The following ZNF316 variants were observed in gnomAD, a reference collection of about 807,000 sequenced individuals.
ZNF316 encodes zinc finger protein 316.
Under a neutral mutation model 75.6 loss-of-function variants are expected in ZNF316, and 23 were observed. The observed-to-expected ratio is 0.30, with a 90% CI of 0.22 to 0.43. The LOEUF (loss-of-function observed/expected upper bound fraction) is 0.43, where lower values mean the gene tolerates loss of function less well. ZNF316 is among the 20% of genes least tolerant of loss of function. The probability of loss-of-function intolerance (pLI) is 1.00; values close to 1 mark genes in which losing one functional copy is unlikely to be tolerated. For synonymous variants in ZNF316, 827 were observed against 666.2 expected, an observed-to-expected ratio of 1.24 and a Z score of -3.72; for missense variants, 1,266 against 1,409.4, an observed-to-expected ratio of 0.90 and a Z score of 1.63.
intron 8 of ZNF316, 47 bp downstream of exon 8, chr7:6,644,640 G>A: frequency 1.8e-6 from 2 of 1,126,344 alleles, no homozygotes; most frequent in South Asian, 9.0e-5. Flanking sequence ...GCTTCTCAGA[G>A]CTGTTGTCAA....
At position 6,658,276 on chromosome 7, in the gene ZNF316, C is replaced by T. The variant is rs1457070945; in HGVS notation, c.*3665C>T. On this transcript the variant is annotated 3_prime_UTR_variant, in exon 9 of 9. Coordinates refer to ENST00000382252, the MANE Select transcript of ZNF316 (RefSeq NM_001278559.2). Reference sequence around the variant, plus strand: ...TATCTATTAAATAAAGCTTTATGATCTTTGCTCTTTTTTTTTTCCTGATTA... The same window carrying T: ...TATCTATTAAATAAAGCTTTATGATTTTTGCTCTTTTTTTTTTCCTGATTA... 6.6e-6 allele frequency among the ~76,000 whole-genome samples: 1 copy of T among 151,902 alleles called. No individual in the cohort carries two copies. Among genetic ancestry groups the T allele is most frequent in the Non-Finnish European group, 1.5e-5 (1 of 67,984 alleles).
In ZNF316 at chr7:6,643,023, G is replaced by A. The variant is rs1002713841; in HGVS notation, c.415G>A (p.Glu139Lys). 1.6e-6 allele frequency: 2 copies of A among 1,239,266 alleles called. No individual in the cohort carries two copies. The highest frequency in any genetic ancestry group is 2.0e-6 in the Non-Finnish European group (2 of 992,400). 76.8% of individuals were successfully genotyped at this position (1,239,266 alleles called of 1,614,324 possible). A position where few individuals can be genotyped will look rare whatever the true frequency, so the allele number is the denominator to read the frequency against. Residue 139 changes from glutamate to lysine, a missense_variant, in exon 6 of 9, where the codon GAG (glutamate) becomes AAG (lysine). Glu to Lys is a moderately conservative substitution (Grantham distance 56). Around this residue, in one of 3 missense-constraint regions of ZNF316, gnomAD observed 961 missense variants for 990.9 expected, o/e 0.97. Coordinates refer to ENST00000382252, the MANE Select transcript of ZNF316 (RefSeq NM_001278559.2). ...GGATGAGGACCTGGAGGAGGAGGAA[G>A]AGGAGGAGGAGGATGAGGACGAGGA... ...PRDEDLEEEE[E>K]EEEDEDEDDL...
rs1288899591 is a variant in ZNF316 at position 6,642,313 on chromosome 7, G to A, written c.-28-69G>A. The A allele has an allele frequency of 1.6e-5, 13 of 788,654 alleles. No homozygotes were observed. The highest frequency in any genetic ancestry group is 2.2e-5 in the Non-Finnish European group (13 of 583,648). The allele number at this position is 788,654 out of a possible 1,614,324, so 48.9% of individuals were successfully genotyped here. A position where few individuals can be genotyped will look rare whatever the true frequency, so the allele number is the denominator to read the frequency against. ...CTCCCTGCGCCCCCGCCAGGCTGCG[G>A]GAGACCCTGTGAGGGGACCGTGTGG... On this transcript the variant is annotated intron_variant, in intron 4 of 8. Coordinates refer to ENST00000382252, the MANE Select transcript of ZNF316 (RefSeq NM_001278559.2). The surrounding 1 kb of genome is among the most constrained non-coding windows in gnomAD (Gnocchi z 8.1).
In ZNF316 at chr7:6,653,441, C is replaced by T. The variant is rs1254118424; in HGVS notation, c.1845C>T (p.Ile615=). Reference sequence around the variant, plus strand: ...GGCTGCACCCGGACAGCTTCCCGATCCTGGGCCTACCCGACTTCCGAGAGC... The same window carrying T: ...GGCTGCACCCGGACAGCTTCCCGATTCTGGGCCTACCCGACTTCCGAGAGC... The part of the protein sequence containing the change: ...KSWLHPDSFP[I]LGLPDFRERL... Residue 615 remains isoleucine, a synonymous_variant, in exon 9 of 9, where the codon ATC becomes ATT. Coordinates refer to ENST00000382252, the MANE Select transcript of ZNF316 (RefSeq NM_001278559.2). The T allele has an allele frequency of 5.6e-5, 69 of 1,227,954 alleles. No homozygotes were observed. Among genetic ancestry groups the T allele is most frequent in the Non-Finnish European group, 6.6e-5 (65 of 985,896 alleles). 76.1% of individuals were successfully genotyped at this position (1,227,954 alleles called of 1,614,324 possible).
At position 6,657,466 on chromosome 7, in the gene ZNF316, T is replaced by C. The variant is rs1357782634; in HGVS notation, c.*2855T>C. Among the ~76,000 whole-genome samples the C allele has an allele frequency of 6.6e-6, 1 of 152,046 alleles. No individual in the cohort carries two copies. Among genetic ancestry groups the C allele is most frequent in the African/African-American group, 2.4e-5 (1 of 41,394 alleles). ...AAGACTCCATGTCTGAAACAGACGT[T>C]TGAGTGGCAGACAAATACAAAGACC... On this transcript the variant is annotated 3_prime_UTR_variant, in exon 9 of 9. Transcript: ENST00000382252.
Position 6,650,683 on chromosome 7 carries a change from G to A in ZNF316, c.707-1620G>A, listed in dbSNP as rs142791554. Among the ~76,000 whole-genome samples the A allele has an allele frequency of 2.0e-3, 300 of 152,294 alleles. 2 individuals are homozygous for A. Among genetic ancestry groups the A allele is most frequent in the African/African-American group, 6.5e-3 (272 of 41,562 alleles). On this transcript the variant is annotated intron_variant, in intron 8 of 8. Coordinates refer to ENST00000382252, the MANE Select transcript of ZNF316 (RefSeq NM_001278559.2). ...GTCCAGGCTTATCCAGCTAGGTGAC[G>A]GCTGAAATGGGCAGGGGACCCAGGT...
At position 6,654,530 on chromosome 7, in the gene ZNF316, C is replaced by T; in HGVS notation, c.2934C>T (p.Phe978=). 1 of 1,179,620 alleles carries T rather than the reference C, an allele frequency of 8.5e-7. No homozygotes were observed. Among genetic ancestry groups the T allele is most frequent in the Non-Finnish European group, 1.0e-6 (1 of 954,502 alleles). 73.1% of individuals were successfully genotyped at this position (1,179,620 alleles called of 1,614,324 possible). A position where few individuals can be genotyped will look rare whatever the true frequency, so the allele number is the denominator to read the frequency against. ...AGCGCGGCAGCGCCCTGCTGGAGTT[C>T]GCGGGCGGCACAAGCTTCGGCTCCG... ...PGERGSALLE[F]AGGTSFGSEH... The change falls in exon 9 of 9, where the codon TTC becomes TTT. Residue 978 remains phenylalanine, a synonymous_variant. Coordinates refer to ENST00000382252, the MANE Select transcript of ZNF316 (RefSeq NM_001278559.2).
In ZNF316 at chr7:6,657,554, G is replaced by A. The variant is rs1033168984; in HGVS notation, c.*2943G>A. Among the ~76,000 whole-genome samples, 2 of 152,012 alleles carry A rather than the reference G, an allele frequency of 1.3e-5. No individual in the cohort carries two copies. Among genetic ancestry groups the A allele is most frequent in the African/African-American group, 4.8e-5 (2 of 41,388 alleles). On this transcript the variant is annotated 3_prime_UTR_variant, in exon 9 of 9. Coordinates refer to ENST00000382252, the MANE Select transcript of ZNF316 (RefSeq NM_001278559.2). Reference sequence around the variant, plus strand: ...TATTCAGAAAAGTTAAATGAGGCTGGGTGCGATGGCTCATGCCTGTAATCC... The same window carrying A: ...TATTCAGAAAAGTTAAATGAGGCTGAGTGCGATGGCTCATGCCTGTAATCC...
In ZNF316 at chr7:6,655,281, C is replaced by G. The variant is rs1208158001; in HGVS notation, c.*670C>G. ...GAGAAAAAGCCAGATACCAAACTTA[C>G]GGCCAGGCAGACGGGTCGCGGGTGT... On this transcript the variant is annotated 3_prime_UTR_variant, in exon 9 of 9. Coordinates refer to ENST00000382252, the MANE Select transcript of ZNF316 (RefSeq NM_001278559.2). 2.0e-5 allele frequency: 3 copies of G among 147,674 alleles called. No homozygotes were observed. Among genetic ancestry groups the G allele is most frequent in the Admixed American group, 6.9e-5 (1 of 14,392 alleles). 9.1% of individuals were successfully genotyped at this position (147,674 alleles called of 1,614,324 possible).
rs575907595 is a variant in ZNF316, at chr7:6,654,654, C to T, written c.*43C>T. 3.7e-5 allele frequency: 43 copies of T among 1,167,240 alleles called. No homozygotes were observed. The South Asian group carries it at 1.2e-3, about 32-fold the overall frequency. The allele number at this position is 1,167,240 out of a possible 1,614,324, so 72.3% of individuals were successfully genotyped here. On this transcript the variant is annotated 3_prime_UTR_variant, in exon 9 of 9. Transcript: ENST00000382252. The stretch of plus-strand genomic sequence containing the variant: ...GCAGCGCAGCCTGCAGGGCCACCGG[C>T]CCCTCCCTTGGACGGCCGGCCCCCC...
At position 6,648,729 on chromosome 7, in the gene ZNF316, G is replaced by A. The variant is rs11976353; in HGVS notation, c.707-3574G>A. Among the ~76,000 whole-genome samples the A allele has an allele frequency of 6.8e-3, 1,034 of 152,304 alleles. 15 individuals carry two copies. The highest frequency in any genetic ancestry group is 0.024 in the African/African-American group (985 of 41,552). On this transcript the variant is annotated intron_variant, in intron 8 of 8. Transcript: ENST00000382252. Reference sequence around the variant, plus strand: ...AGCTGCCTTTTGAGGTGAAGCCAAGGGAGAGAAGGTGTAGCATCCCGGCCT... The same window carrying A: ...AGCTGCCTTTTGAGGTGAAGCCAAGAGAGAGAAGGTGTAGCATCCCGGCCT...
intron 2 of ZNF316, among the ~76,000 whole-genome samples, chr7:6,638,657 G>C (rs753503614): frequency 6.6e-6 from 1 of 152,154 alleles, no homozygotes; most frequent in South Asian, 2.1e-4. Context: ...GTTTGGGGCC[G>C]GGTGAGGTGG....
intron 8 of ZNF316, among the ~76,000 whole-genome samples, chr7:6,650,974 C>T (rs1395824786): frequency 1.3e-5 from 2 of 152,142 alleles, no homozygotes; most frequent in Admixed American, 6.5e-5. Context: ...ATTGCCTGCA[C>T]AGGTGCCTCG....
intron 8 of ZNF316, among the ~76,000 whole-genome samples, chr7:6,646,876 G>C (rs1779414243): frequency 6.6e-6 from 1 of 152,072 alleles, no homozygotes; most frequent in Admixed American, 6.5e-5. Flanking sequence ...TGATGAGTTG[G>C]GCCACACATG....
chr7:6,653,571 G>C lies in ZNF316; in HGVS notation c.1975G>C (p.Ala659Pro), dbSNP rs1057034327. The C allele has an allele frequency of 9.0e-7, 1 of 1,110,458 alleles. No homozygotes were observed. Among genetic ancestry groups the C allele is most frequent in the Non-Finnish European group, 1.1e-6 (1 of 909,918 alleles). The allele number at this position is 1,110,458 out of a possible 1,614,324, so 68.8% of individuals were successfully genotyped here. ...ACDPFGGGGAAGGGGGLRAFG... is the reference protein window; with the variant it reads ...ACDPFGGGGAPGGGGGLRAFG... Reference sequence around the variant, plus strand: ...CGACCCTTTCGGCGGCGGCGGGGCCGCGGGCGGCGGAGGCGGCCTGCGCGC... The same window carrying C: ...CGACCCTTTCGGCGGCGGCGGGGCCCCGGGCGGCGGAGGCGGCCTGCGCGC... The change falls in exon 9 of 9, where the codon GCG becomes CCG. Residue 659 changes from alanine to proline, a missense_variant. Physicochemically the swap from Ala to Pro is conservative, Grantham distance 27. Transcript: ENST00000382252.
In ZNF316 at chr7:6,640,597, G is replaced by C. The variant is rs563935136; in HGVS notation, c.-166-1228G>C. Among the ~76,000 whole-genome samples the C allele has an allele frequency of 1.3e-5, 2 of 152,332 alleles. No homozygotes were observed. The highest frequency in any genetic ancestry group is 4.1e-4 in the South Asian group (2 of 4,826). On this transcript the variant is annotated intron_variant, in intron 3 of 8. Coordinates refer to ENST00000382252, the MANE Select transcript of ZNF316 (RefSeq NM_001278559.2). This position sits in a 1 kb window ranked among gnomAD's most constrained non-coding sequence, Gnocchi z 5.1. The stretch of plus-strand genomic sequence containing the variant: ...CCCCGCCTCCAGCATTGGGGATTAC[G>C]GTTCAGCGTGAGATCTGGGCGGGGA...
rs897078645 is a variant in ZNF316 at position 6,640,837 on chromosome 7, A to G, written c.-166-988A>G. ...TTCACAAGAGATCTGGTTGTTTTAA[A>G]AGAGTGGGGCTTCCTCCCTCTCTCT... On this transcript the variant is annotated intron_variant, in intron 3 of 8. Transcript: ENST00000382252. The surrounding 1 kb of genome is among the most constrained non-coding windows in gnomAD (Gnocchi z 5.1). Among the ~76,000 whole-genome samples, 4 of 152,108 alleles carry G rather than the reference A, an allele frequency of 2.6e-5. No individual in the cohort carries two copies. The highest frequency in any genetic ancestry group is 6.5e-5 in the Admixed American group (1 of 15,276).
Position 6,646,615 on chromosome 7 carries a change from C to A in ZNF316, c.706+2022C>A, listed in dbSNP as rs181525334. Among the ~76,000 whole-genome samples, 333 of 152,046 alleles carry A rather than the reference C, an allele frequency of 2.2e-3. 1 individual carries two copies. The highest frequency in any genetic ancestry group is 7.6e-3 in the African/African-American group (314 of 41,488). On this transcript the variant is annotated intron_variant, in intron 8 of 8. Transcript: ENST00000382252. ...GTTGGGGCTGGCAGGCCTGGGATGC[C>A]CCCCGGCCCTGAGTGGGTGTGTAAA...
At chr7:6,646,130 A>T (rs145162643) in intron 8 of ZNF316, among the ~76,000 whole-genome samples, 1 of 152,078 alleles carries the variant, frequency 6.6e-6, no homozygotes, top group East Asian at 1.9e-4. Context: ...GCGGATTACA[A>T]TTGGAGATAA....
Sources: gnomAD v4.1 joint callset for allele counts (sites outside exome capture counted in the v4.1 genomes callset) on GRCh38, gnomAD v4.1.1 for gene constraint, gnomAD v4.1.1 regional missense constraint, Gnocchi (gnomAD v3.1) non-coding constraint, MANE v1.5 for transcripts, NCBI Gene and HGNC (gene_info 2026-07-23, HGNC 2026-07-21) for gene names.